MAP3K7: variants seen among roughly 807,000 people sequenced by gnomAD.
The protein encoded by MAP3K7 is mitogen-activated protein kinase kinase kinase 7, also known as TGF-beta activated kinase 1.
MAP3K7 carries 21 observed loss-of-function variants against 84.8 expected under a neutral mutation model. The observed-to-expected ratio is 0.25, with a 90% CI of 0.18 to 0.36. MAP3K7 has a LOEUF of 0.36. Ranked by LOEUF, MAP3K7 falls within the 10% of genes least tolerant of loss-of-function variation. MAP3K7 has a pLI of 1.00. For synonymous variants in MAP3K7, 241 were observed against 247.7 expected (o/e 0.97, Z 0.25); for missense variants, 503 against 747.7 (o/e 0.67, Z 3.82).
chr6:90,551,852 C>T (rs1776187948), intron 8 of MAP3K7, 197 bp downstream of exon 8: 2 of 441,766 alleles, frequency 4.5e-6, no homozygotes, highest in Non-Finnish European at 7.2e-6. Context: ...AGCCATCTTT[C>T]CAGTGATAAA....
intron 6 of MAP3K7, among the ~76,000 whole-genome samples, chr6:90,554,301 T>A (rs1215881197): frequency 6.6e-6 from 1 of 152,242 alleles, no homozygotes; most frequent in Non-Finnish European, 1.5e-5. Context: ...AATTTAGTGT[T>A]ACAGTTTTTT....
intron 1 of MAP3K7, among the ~76,000 whole-genome samples, chr6:90,585,373 A>G (rs993821492): frequency 3.3e-5 from 5 of 152,232 alleles, no homozygotes; most frequent in African/African-American, 1.2e-4. Flanking sequence ...CAGGAAAAAA[A>G]ATTTATTTGT....
At chr6:90,517,740 T>A (rs1775013504) in intron 16 of MAP3K7, among the ~76,000 whole-genome samples, 1 of 151,704 alleles carries the variant, frequency 6.6e-6, no homozygotes, top group South Asian at 2.1e-4. Context: ...TTGAAGTACA[T>A]ACAGAAAGCT....
intron 13 of MAP3K7, 94 bp downstream of exon 13, chr6:90,536,243 A>G (rs1293741330): frequency 1.1e-6 from 1 of 946,180 alleles, no homozygotes; most frequent in Non-Finnish European, 1.6e-6. Flanking sequence ...ACTTTAGGTC[A>G]ACTCATAAAA....
rs1176163018 is a variant in MAP3K7, at chr6:90,516,534, T to C, written c.1788A>G (p.Arg596=). 2 of 1,612,298 alleles carry C rather than the reference T, an allele frequency of 1.2e-6. No individual in the cohort carries two copies. Among genetic ancestry groups the C allele is most frequent in the Non-Finnish European group, 1.7e-6 (2 of 1,178,974 alleles). The change falls in exon 17 of 17, where the codon AGA becomes AGG. Residue 596 remains arginine (R), a synonymous_variant. Coordinates refer to ENST00000369329, the MANE Select transcript of MAP3K7 (RefSeq NM_145331.3). ...QQCKKQLEVI[R]SQQQKRQGTS Reference sequence around the variant, plus strand: ...TGCCTTGTCGTTTCTGCTGCTGACTTCTGATGACCTCTAGTTGTTTTTTGC... The same window carrying C: ...TGCCTTGTCGTTTCTGCTGCTGACTCCTGATGACCTCTAGTTGTTTTTTGC...
rs1645203321 is a variant in MAP3K7 at position 90,536,321 on chromosome 6, T to C, written c.1356+16A>G. 1.9e-6 allele frequency: 3 copies of C among 1,600,766 alleles called. No homozygotes were observed. The highest frequency in any genetic ancestry group is 2.6e-6 in the Non-Finnish European group (3 of 1,168,480). ...CTAGTATTCTTCAAAGATAGAAAAT[T>C]TGAATGTTGTCTTACCTGACCAGGT... On this transcript the variant is annotated intron_variant, in intron 13 of 16. Coordinates refer to ENST00000369329, the MANE Select transcript of MAP3K7 (RefSeq NM_145331.3).
chr6:90,556,205 A>G (rs2127976665), intron 6 of MAP3K7, among the ~76,000 whole-genome samples: 1 of 152,378 alleles, frequency 6.6e-6, no homozygotes, highest in South Asian at 2.1e-4. Context: ...CCATGAAAGC[A>G]CCATGAGTAT....
chr6:90,543,510 T>A (rs1252631839), intron 12 of MAP3K7, among the ~76,000 whole-genome samples: 1 of 152,076 alleles, frequency 6.6e-6, no homozygotes, highest in East Asian at 1.9e-4. Flanking sequence ...GCTGATACAA[T>A]CAATAATAAG....
intron 2 of MAP3K7, among the ~76,000 whole-genome samples, chr6:90,570,147 A>G (rs576036386): frequency 5.3e-5 from 8 of 152,160 alleles, no homozygotes; most frequent in African/African-American, 1.9e-4. Flanking sequence ...AATTCCCACT[A>G]AGATGGTAAA....
At chr6:90,536,012 G>A (rs555179205) in intron 13 of MAP3K7, among the ~76,000 whole-genome samples, 71 of 152,052 alleles carry the variant, frequency 4.7e-4, no homozygotes, top group Non-Finnish European at 8.4e-4. Context: ...CACTTTAAAG[G>A]ACACTTTAAT....
Position 90,516,520 on chromosome 6 carries a change from T to G in MAP3K7, c.1802A>C (p.Lys601Thr). 6.2e-7 allele frequency: 1 copy of G among 1,611,920 alleles called. No homozygotes were observed. ...QLEVIRSQQQ[K>T]RQGTS ...AGAGAATCATGAAGTGCCTTGTCGT[T>G]TCTGCTGCTGACTTCTGATGACCTC... Residue 601 changes from lysine to threonine, a missense_variant, in exon 17 of 17, where the codon AAA becomes ACA. Lys to Thr is a moderately conservative substitution (Grantham distance 78). This residue lies in a region of MAP3K7 where 43 missense variants were observed against 47.3 expected (regional missense o/e 0.91). Coordinates refer to ENST00000369329, the MANE Select transcript of MAP3K7 (RefSeq NM_145331.3).
chr6:90,560,611 T>G (rs909981582), intron 4 of MAP3K7, among the ~76,000 whole-genome samples: 2 of 152,156 alleles, frequency 1.3e-5, no homozygotes, highest in Non-Finnish European at 2.9e-5. Context: ...CTGCCTGCCT[T>G]GGCCTCCCAA....
At chr6:90,530,932 A>C (rs1268574558) in intron 13 of MAP3K7, among the ~76,000 whole-genome samples, 1 of 152,134 alleles carries the variant, frequency 6.6e-6, no homozygotes, top group Non-Finnish European at 1.5e-5. Flanking sequence ...AACTATTAAA[A>C]CTCATTTAAG....
chr6:90,537,913 C>T (rs1165467384), intron 12 of MAP3K7, among the ~76,000 whole-genome samples: 1 of 151,910 alleles, frequency 6.6e-6, no homozygotes, highest in Non-Finnish European at 1.5e-5. Context: ...AGCAACACAG[C>T]AACATTTGTT....
intron 3 of MAP3K7, among the ~76,000 whole-genome samples, chr6:90,564,093 G>A (rs1324536710): frequency 3.3e-5 from 5 of 152,108 alleles, no homozygotes; most frequent in African/African-American, 9.7e-5. Flanking sequence ...AGGAACAACC[G>A]GTACCAGCCA....
intron 12 of MAP3K7, among the ~76,000 whole-genome samples, chr6:90,538,216 A>G (rs978974711): frequency 7.9e-5 from 12 of 152,080 alleles, no homozygotes; most frequent in African/African-American, 2.9e-4. Context: ...ATTGCAATCA[A>G]CAAATACTTG....
chr6:90,533,521 G>C (rs1775573743), intron 13 of MAP3K7, among the ~76,000 whole-genome samples: 1 of 152,188 alleles, frequency 6.6e-6, no homozygotes, highest in Non-Finnish European at 1.5e-5. Flanking sequence ...CAATTCCACA[G>C]GGAGGGCAGT....
intron 3 of MAP3K7, among the ~76,000 whole-genome samples, chr6:90,563,440 T>C (rs542650720): frequency 3.3e-5 from 5 of 152,250 alleles, no homozygotes; most frequent in Non-Finnish European, 5.9e-5. Flanking sequence ...CAAGCTTCAG[T>C]AGCTGATTTG....
At chr6:90,571,574 C>T (rs552242699) in intron 2 of MAP3K7, 123 bp downstream of exon 2, 125 of 496,358 alleles carry the variant, frequency 2.5e-4, no homozygotes, top group African/African-American at 2.1e-3. Context: ...TTGATTAAAC[C>T]GAATTGCTGA....
Sources: gnomAD v4.1 joint callset for allele counts (sites outside exome capture counted in the v4.1 genomes callset) on GRCh38, gnomAD v4.1.1 for gene constraint, gnomAD v4.1.1 regional missense constraint, MANE v1.5 for transcripts, NCBI Gene and HGNC (gene_info 2026-07-23, HGNC 2026-07-21) for gene names.